Variants in SNX13 observed in about 807,000 individuals in gnomAD.
SNX13 encodes the protein sorting nexin 13.
Under a neutral mutation model 133.6 loss-of-function variants are expected in SNX13, and 45 were observed. That is an observed-to-expected ratio of 0.34 (90% CI 0.27 to 0.43). The LOEUF is 0.43. Among genes scored for constraint, SNX13 ranks in the 20% least tolerant of loss-of-function variants. The pLI, the probability that SNX13 is intolerant of heterozygous loss-of-function variation, is 1.00. For synonymous variants in SNX13, 414 were observed against 373.9 expected (o/e 1.11, Z -1.24); for missense variants, 1,032 against 1,145.1 (o/e 0.90, Z 1.43).
At chr7:17,939,703 T>A (rs1802555131) in intron 1 of SNX13, among the ~76,000 whole-genome samples, 2 of 152,204 alleles carry the variant, frequency 1.3e-5, no homozygotes, top group South Asian at 4.1e-4. Flanking sequence ...TGACCACGAT[T>A]TAACCGAAAA....
At position 17,793,038 on chromosome 7, in the gene SNX13, T is replaced by C. The variant is rs1356659362; in HGVS notation, c.*1007A>G. ...ATGTACACTGTCATAGAATTAGGAA[T>C]CTGTATGTTTACTATGACTAATAAG... is the stretch of plus-strand genomic sequence containing the variant. On this transcript the variant is annotated 3_prime_UTR_variant, in exon 26 of 26. Coordinates refer to ENST00000428135, the MANE Select transcript of SNX13 (RefSeq NM_015132.5). The C allele has an allele frequency of 6.6e-6, 1 of 152,236 alleles. No individual in the cohort carries two copies. The highest frequency in any genetic ancestry group is 6.6e-5 in the Admixed American group (1 of 15,208). The allele number at this position is 152,236 out of a possible 1,614,324, so 9.4% of individuals were successfully genotyped here.
chr7:17,898,431 A>T (rs1797453022), intron 1 of SNX13: 1 of 152,198 alleles, frequency 6.6e-6, no homozygotes, highest in African/African-American at 2.4e-5. Context: ...TTATGAGAGA[A>T]AGGAGGGCTT....
intron 12 of SNX13, among the ~76,000 whole-genome samples, chr7:17,842,926 T>C (rs1380181451): frequency 6.6e-6 from 1 of 151,702 alleles, no homozygotes; most frequent in Non-Finnish European, 1.5e-5. Flanking sequence ...ACAAAGAAAA[T>C]GGCTACATAA....
At chr7:17,845,574 A>T in intron 12 of SNX13, 21 bp downstream of exon 12, 1 of 1,449,182 alleles carries the variant, frequency 6.9e-7, no homozygotes, top group Non-Finnish European at 9.4e-7. Context: ...TGTATCATTT[A>T]AATAGAATTG....
intron 19 of SNX13, among the ~76,000 whole-genome samples, 175 bp from the exon 20 acceptor site, chr7:17,815,119 C>T (rs542546335): frequency 1.1e-4 from 17 of 151,984 alleles, no homozygotes; most frequent in Admixed American, 3.9e-4. Context: ...AATTTTATGA[C>T]GATTAACAGT....
intron 5 of SNX13, chr7:17,889,206 G>C (rs1221563318): frequency 1.3e-5 from 2 of 152,752 alleles, no homozygotes; most frequent in African/African-American, 4.8e-5. Context: ...GTGTTCCACA[G>C]TGAGTCTGCA....
At position 17,919,437 on chromosome 7, in the gene SNX13, A is replaced by G. The variant is rs145774812; in HGVS notation, c.12+20847T>C. 5.9e-5 allele frequency among the ~76,000 whole-genome samples: 9 copies of G among 152,320 alleles called. No homozygotes were observed. In the East Asian group the frequency reaches 1.7e-3, roughly 29 times the overall value. ...AACATAACTAATGTTGTCCTGAGTT[A>G]CCAGAATTTCATACCATACAGTTCA... On this transcript the variant is annotated intron_variant, in intron 1 of 25. Coordinates refer to ENST00000428135, the MANE Select transcript of SNX13 (RefSeq NM_015132.5).
chr7:17,796,653 GT>G, intron 25 of SNX13, 173 bp downstream of exon 25: 1 of 580,568 alleles, frequency 1.7e-6, no homozygotes, highest in African/African-American at 1.9e-5. Flanking sequence ...TTACAGTACT[GT>G]CATGAGGACT....
At chr7:17,845,183 T>A (rs1583452407) in intron 12 of SNX13, among the ~76,000 whole-genome samples, 1 of 151,840 alleles carries the variant, frequency 6.6e-6, no homozygotes, top group African/African-American at 2.4e-5. Flanking sequence ...CACACGAATA[T>A]TATTCAGCAT....
At chr7:17,853,539 G>A (rs767559444) in intron 9 of SNX13, among the ~76,000 whole-genome samples, 2 of 152,134 alleles carry the variant, frequency 1.3e-5, no homozygotes, top group Non-Finnish European at 2.9e-5. Flanking sequence ...AATTTTTAAA[G>A]TACTAAAAGA....
intron 5 of SNX13, chr7:17,888,543 T>C (rs1467220935): frequency 8.6e-6 from 3 of 347,736 alleles, no homozygotes; most frequent in African/African-American, 4.3e-5. Flanking sequence ...TAGATAACAT[T>C]AGACTAACCA....
chr7:17,922,988 C>G (rs1800299555), intron 1 of SNX13, among the ~76,000 whole-genome samples: 1 of 152,066 alleles, frequency 6.6e-6, no homozygotes, highest in Non-Finnish European at 1.5e-5. Flanking sequence ...GTATTATAAA[C>G]AAAAAAATGC....
intron 1 of SNX13, among the ~76,000 whole-genome samples, chr7:17,928,188 G>A (rs1800980559): frequency 6.6e-6 from 1 of 152,076 alleles, no homozygotes; most frequent in Admixed American, 6.6e-5. Context: ...AACAACAATA[G>A]GAGCTATCAT....
intron 1 of SNX13, among the ~76,000 whole-genome samples, chr7:17,921,680 T>C (rs1800145900): frequency 1.3e-5 from 2 of 152,188 alleles, no homozygotes; most frequent in African/African-American, 4.8e-5. Flanking sequence ...GATTTTAAAA[T>C]CCCACTACCC....
intron 2 of SNX13, among the ~76,000 whole-genome samples, chr7:17,894,777 C>T (rs572069625): frequency 6.6e-6 from 1 of 152,192 alleles, no homozygotes; most frequent in East Asian, 1.9e-4. Flanking sequence ...AGGAAGGGAA[C>T]AGTAAAACAT....
intron 15 of SNX13, chr7:17,831,748 G>A: frequency 2.0e-6 from 2 of 983,924 alleles, no homozygotes; most frequent in African/African-American, 1.7e-5. Context: ...GTAGTGCTCA[G>A]CAGCTTAATT....
intron 12 of SNX13, among the ~76,000 whole-genome samples, chr7:17,845,014 T>C (rs1721026991): frequency 6.6e-6 from 1 of 151,950 alleles, no homozygotes; most frequent in African/African-American, 2.4e-5. Flanking sequence ...AACAAAAAGA[T>C]TAAGATCAGG....
At chr7:17,902,255 T>G (rs1797919018) in intron 1 of SNX13, among the ~76,000 whole-genome samples, 2 of 151,416 alleles carry the variant, frequency 1.3e-5, no homozygotes, top group Admixed American at 6.6e-5. Context: ...TTTTTTTTTT[T>G]TTTTTTTTTT....
chr7:17,822,214 A>T (rs1236743349), intron 17 of SNX13, among the ~76,000 whole-genome samples: 2 of 151,842 alleles, frequency 1.3e-5, no homozygotes, highest in Non-Finnish European at 2.9e-5. Context: ...TTTTTTTTCA[A>T]AGCATTTTCG....
Sources: allele counts gnomAD v4.1 joint callset (sites outside exome capture counted in the v4.1 genomes callset), GRCh38; gene constraint gnomAD v4.1.1; transcripts MANE v1.5; gene names NCBI Gene and HGNC (gene_info 2026-07-23, HGNC 2026-07-21).